The following SGCA variants were observed in gnomAD, a reference collection of about 807,000 sequenced individuals.
The protein encoded by SGCA is sarcoglycan alpha, also known as alpha-sarcoglycan.
A neutral mutation model predicts 38.1 loss-of-function variants in SGCA; 34 were observed. The ratio of observed to expected loss-of-function variants is 0.89; its 90% CI spans 0.68 to 1.19. The LOEUF (loss-of-function observed/expected upper bound fraction) is 1.19. Ranked by LOEUF, SGCA falls within the 50% of genes most tolerant of loss-of-function variation. The probability of loss-of-function intolerance (pLI) is 0.00; values close to 1 mark genes in which losing one functional copy is unlikely to be tolerated. For synonymous variants in SGCA, 209 were observed against 214.6 expected (o/e 0.97, Z 0.23); for missense variants, 476 against 524.9 (o/e 0.91, Z 0.91).
chr17:50,168,186 A>G lies in SGCA; in HGVS notation c.385+167A>G, dbSNP rs11868160. Among the ~76,000 whole-genome samples the G allele has an allele frequency of 0.16, 24,321 of 152,222 alleles. 1,979 individuals carry two copies. The highest frequency in any genetic ancestry group is 0.19 in the Admixed American group (2,954 of 15,298). On this transcript the variant is annotated intron_variant, in intron 4 of 9. Transcript: ENST00000262018. ...GGAATGGGTGCTGGGCTGGGATTCC[A>G]GGCTCTGGAGTTCTGTTACTCGCTG...
Position 50,170,127 on chromosome 17 carries a change from T to C in SGCA, c.748-16T>C. The C allele has an allele frequency of 6.2e-7, 1 of 1,609,026 alleles. No individual in the cohort carries two copies. Among genetic ancestry groups the C allele is most frequent in the African/African-American group, 1.3e-5 (1 of 74,948 alleles). On this transcript the variant is annotated splice_polypyrimidine_tract_variant and intron_variant, in intron 6 of 9. Transcript: ENST00000262018. ...AGCCAGCCACTTCCTGCGTCAGCCC[T>C]GAGCTCTCTGTGCAGGTGGATAAGT...
Position 50,170,656 on chromosome 17 carries a change from G to A in SGCA, c.973G>A (p.Ala325Thr). ...TTTCCACAGGCTGAAGAGAGACCTG[G>A]CTACCTCCGAGTGAGTAAAGGAAAG... ...RREGRLKRDL[A>T]TSDIQMVHHC... Residue 325 changes from alanine (A) to threonine (T), a missense_variant, in exon 8 of 10, where the codon GCT (alanine) becomes ACT (threonine). By Grantham distance (58) the Ala-to-Thr change is moderately conservative. Coordinates refer to ENST00000262018, the MANE Select transcript of SGCA (RefSeq NM_000023.4). 6.4e-7 allele frequency: 1 copy of A among 1,561,286 alleles called. No individual in the cohort carries two copies. Among genetic ancestry groups the A allele is most frequent in the Non-Finnish European group, 8.7e-7 (1 of 1,151,466 alleles).
chr17:50,170,211 C>G lies in SGCA; in HGVS notation c.816C>G (p.Asp272Glu), dbSNP rs530646204. The G allele has an allele frequency of 4.0e-5, 65 of 1,614,152 alleles. No homozygotes were observed. In the South Asian group the frequency reaches 6.1e-4, roughly 15 times the overall value. ...PTPGDGILEH[D>E]PFFCPPTEAP... Reference sequence around the variant, plus strand: ...CAGGTGATGGGATCCTGGAGCATGACCCGTTCTTCTGCCCACCCACTGAGG... The same window carrying G: ...CAGGTGATGGGATCCTGGAGCATGAGCCGTTCTTCTGCCCACCCACTGAGG... The change falls in exon 7 of 10, where the codon GAC becomes GAG. Residue 272 changes from aspartate to glutamate, a missense_variant. By Grantham distance (45) the Asp-to-Glu change is conservative. Coordinates refer to ENST00000262018, the MANE Select transcript of SGCA (RefSeq NM_000023.4).
intron 8 of SGCA, among the ~76,000 whole-genome samples, chr17:50,172,631 C>T (rs913308696): frequency 6.6e-6 from 1 of 152,192 alleles, no homozygotes; most frequent in African/African-American, 2.4e-5. Context: ...AAAGCTACTG[C>T]ACCTGGCCTG....
chr17:50,166,202 G>A (rs1206777623), intron 1 of SGCA, 125 bp downstream of exon 1: 5 of 801,358 alleles, frequency 6.2e-6, no homozygotes, highest in Non-Finnish European at 1.1e-5. Context: ...GCGCCAGAAG[G>A]GCTTTGGGGT....
chr17:50,169,282 G>T, intron 6 of SGCA, 28 bp downstream of exon 6: 1 of 1,594,536 alleles, frequency 6.3e-7, no homozygotes, highest in Non-Finnish European at 8.6e-7. Context: ...GTCCGGGGGT[G>T]GGGTGGGGCA....
Position 50,175,416 on chromosome 17 carries a change from C to T in SGCA, c.1143C>T (p.Pro381=), listed in dbSNP as rs1905859070. The T allele has an allele frequency of 6.2e-7, 1 of 1,613,088 alleles. No individual in the cohort carries two copies. The highest frequency in any genetic ancestry group is 8.5e-7 in the Non-Finnish European group (1 of 1,180,018). ...LPPRVDSAQV[P]LILDQH Reference sequence around the variant, plus strand: ...CCCGCGTGGACAGCGCCCAGGTGCCCCTCATTCTGGACCAGCACTGACAGC... The same window carrying T: ...CCCGCGTGGACAGCGCCCAGGTGCCTCTCATTCTGGACCAGCACTGACAGC... The change falls in exon 9 of 10, where the codon CCC becomes CCT. Residue 381 remains proline (P), a synonymous_variant. Coordinates refer to ENST00000262018, the MANE Select transcript of SGCA (RefSeq NM_000023.4).
chr17:50,170,382 C>G, intron 7 of SGCA, 31 bp downstream of exon 7: 2 of 1,593,362 alleles, frequency 1.3e-6, no homozygotes, highest in Non-Finnish European at 1.7e-6. Context: ...CGGGGGAGCA[C>G]CTGCTGGAGC....
chr17:50,167,335 C>T lies in SGCA; in HGVS notation c.38-33C>T. On this transcript the variant is annotated intron_variant, in intron 1 of 9. Coordinates refer to ENST00000262018, the MANE Select transcript of SGCA (RefSeq NM_000023.4). The surrounding 1 kb of genome is among the most constrained non-coding windows in gnomAD (Gnocchi z 4.5). Reference sequence around the variant, plus strand: ...ATCCCCTGCCCAGGACTGAGGCTGGCCTGTGTGTTTGGGACTTGTGGGGTC... The same window carrying T: ...ATCCCCTGCCCAGGACTGAGGCTGGTCTGTGTGTTTGGGACTTGTGGGGTC... 1.9e-6 allele frequency: 3 copies of T among 1,613,856 alleles called. No homozygotes were observed. Among genetic ancestry groups the T allele is most frequent in the Non-Finnish European group, 2.5e-6 (3 of 1,179,956 alleles).
At position 50,170,301 on chromosome 17, in the gene SGCA, G is replaced by C. The variant is rs1398331034; in HGVS notation, c.906G>C (p.Leu302=). The change falls in exon 7 of 10, where the codon CTG becomes CTC. Residue 302 remains leucine (L), a synonymous_variant. Transcript: ENST00000262018. Reference sequence around the variant, plus strand: ...TCCTGGTGCCCCTGCTGGTGGCCCTGCTTCTCACCTTGCTGCTGGCCTATG... The same window carrying C: ...TCCTGGTGCCCCTGCTGGTGGCCCTCCTTCTCACCTTGCTGCTGGCCTATG... ...VTLLVPLLVA[L]LLTLLLAYVM... is the part of the protein sequence containing the mutation. The C allele has an allele frequency of 3.7e-6, 6 of 1,614,096 alleles. No homozygotes were observed. The Admixed American group carries it at 1.0e-4, about 27-fold the overall frequency.
At position 50,175,802 on chromosome 17, in the gene SGCA, C is replaced by T; in HGVS notation, c.*103C>T. 2.0e-6 allele frequency: 1 copy of T among 502,638 alleles called. No homozygotes were observed. Among genetic ancestry groups the T allele is most frequent in the Non-Finnish European group, 3.9e-6 (1 of 257,504 alleles). The allele number at this position is 502,638 out of a possible 1,614,324, so 31.1% of individuals were successfully genotyped here. On this transcript the variant is annotated 3_prime_UTR_variant, in exon 10 of 10. Transcript: ENST00000262018. ...CCTGCTGATTCCAGCTCCTGGCCCT[C>T]CTGGAACCCAGGCTCTAAACAAGCA... is the stretch of plus-strand genomic sequence containing the variant.
chr17:50,174,004 G>C, intron 8 of SGCA, among the ~76,000 whole-genome samples: 1 of 152,152 alleles, frequency 6.6e-6, no homozygotes. Context: ...AGCCCTGCCT[G>C]GGGCCCCAGC....
intron 8 of SGCA, among the ~76,000 whole-genome samples, chr17:50,174,224 G>C (rs1234837369): frequency 2.0e-5 from 3 of 152,172 alleles, no homozygotes; most frequent in Non-Finnish European, 4.4e-5. Flanking sequence ...AGGAGGCTGA[G>C]GCAGGAGTAT....
At chr17:50,171,966 C>G in intron 8 of SGCA, 1 of 456,646 alleles carries the variant, frequency 2.2e-6, no homozygotes, top group Non-Finnish European at 4.4e-6. Flanking sequence ...GGCCTCCACC[C>G]ATGGCAGTAT....
At chr17:50,173,683 G>A (rs1325684121) in intron 8 of SGCA, among the ~76,000 whole-genome samples, 2 of 152,166 alleles carry the variant, frequency 1.3e-5, no homozygotes, top group African/African-American at 4.8e-5. Context: ...CACACTGGTT[G>A]CTTTCTTTCC....
At chr17:50,169,009 G>A (rs1298788413) in intron 5 of SGCA, 83 bp from the exon 6 acceptor site, 3 of 1,310,498 alleles carry the variant, frequency 2.3e-6, no homozygotes, top group African/African-American at 2.9e-5. Context: ...CTACAATTAG[G>A]AAAGTTTCAA....
Position 50,167,002 on chromosome 17 carries a change from G to C in SGCA, c.38-366G>C, listed in dbSNP as rs1598263665. On this transcript the variant is annotated intron_variant, in intron 1 of 9. Coordinates refer to ENST00000262018, the MANE Select transcript of SGCA (RefSeq NM_000023.4). This position sits in a 1 kb window ranked among gnomAD's most constrained non-coding sequence, Gnocchi z 4.5. ...ACACACCCTCACACACATCCTCACA[G>C]ACCCTCACACATACCTTCACACACA... Among the ~76,000 whole-genome samples, 1 of 85,278 alleles carries C rather than the reference G, an allele frequency of 1.2e-5. No individual in the cohort carries two copies. The highest frequency in any genetic ancestry group is 4.5e-4 in the South Asian group (1 of 2,212). 55.9% of individuals were successfully genotyped at this position (85,278 alleles called of 152,430 possible). A position where few individuals can be genotyped will look rare whatever the true frequency, so the allele number is the denominator to read the frequency against.
At chr17:50,166,559 C>T (rs1378624326) in intron 1 of SGCA, among the ~76,000 whole-genome samples, 1 of 151,888 alleles carries the variant, frequency 6.6e-6, no homozygotes, top group Admixed American at 6.6e-5. Context: ...AGAATGGCTA[C>T]CCTTCCTCCT....
At chr17:50,175,027 C>T (rs1905809854) in intron 8 of SGCA, 1 of 579,882 alleles carries the variant, frequency 1.7e-6, no homozygotes, top group South Asian at 1.9e-5. Flanking sequence ...GAACTCCTGA[C>T]CTCAAGTGAT....
Sources: gnomAD v4.1 joint callset for allele counts (sites outside exome capture counted in the v4.1 genomes callset) on GRCh38, gnomAD v4.1.1 for gene constraint, Gnocchi (gnomAD v3.1) non-coding constraint, MANE v1.5 for transcripts, NCBI Gene and HGNC (gene_info 2026-07-23, HGNC 2026-07-21) for gene names.